Variants in CUX1 observed in about 807,000 individuals in gnomAD.
The protein encoded by CUX1 is cut like homeobox 1.
Under a neutral mutation model 158.8 loss-of-function variants are expected in CUX1, and 31 were observed. That is an observed-to-expected ratio of 0.20 (90% CI 0.15 to 0.26). CUX1 has a LOEUF of 0.26. CUX1 is among the 10% of genes least tolerant of loss of function. CUX1 has a pLI of 1.00. For synonymous variants in CUX1, 879 were observed against 862.1 expected, an observed-to-expected ratio of 1.02 and a Z score of -0.34; for missense variants, 1,589 against 2,014.6, an observed-to-expected ratio of 0.79 and a Z score of 4.04.
At chr7:102,265,401 TG>T (rs1554544857) in intron 14 of CUX1, among the ~76,000 whole-genome samples, 3 of 151,196 alleles carry the variant, frequency 2.0e-5, no homozygotes, top group African/African-American at 7.3e-5. Context: ...TGTACTTTAC[TG>T]AGGAGGCTGC....
chr7:102,188,100 G>A (rs1793821946), intron 11 of CUX1, among the ~76,000 whole-genome samples: 1 of 152,020 alleles, frequency 6.6e-6, no homozygotes, highest in East Asian at 1.9e-4. Context: ...TCAGGAGGCT[G>A]AGGCAGGAGG....
intron 3 of CUX1, among the ~76,000 whole-genome samples, chr7:102,048,786 G>A (rs547912827): frequency 4.3e-4 from 65 of 152,186 alleles, no homozygotes; most frequent in East Asian, 4.0e-3. Context: ...CTGAGATTGC[G>A]CCACTGCACT....
chr7:102,150,318 G>T (rs1835498470), intron 8 of CUX1, among the ~76,000 whole-genome samples: 1 of 152,132 alleles, frequency 6.6e-6, no homozygotes. Flanking sequence ...ACCATGCCCG[G>T]CTAATACTTG....
intron 1 of CUX1, among the ~76,000 whole-genome samples, chr7:101,833,994 C>T (rs996653992): frequency 2.0e-5 from 3 of 152,010 alleles, no homozygotes; most frequent in African/African-American, 7.3e-5. Context: ...TGATCCTGTC[C>T]TACCCTGTGC....
intron 1 of CUX1, among the ~76,000 whole-genome samples, chr7:101,858,661 C>CTT (rs760652607): frequency 0.01 from 1,048 of 103,292 alleles, 12 homozygotes; most frequent in Middle Eastern, 0.013. Flanking sequence ...ATGCGAATGC[C>CTT]TTTTTTTTTT....
At chr7:101,896,037 C>T (rs1315699506) in intron 1 of CUX1, among the ~76,000 whole-genome samples, 2 of 151,650 alleles carry the variant, frequency 1.3e-5, no homozygotes, top group Middle Eastern at 3.4e-3. Flanking sequence ...TAGGCATGCA[C>T]CACTGCACTT....
chr7:102,066,647 G>T (rs1490032499), intron 3 of CUX1, among the ~76,000 whole-genome samples: 1 of 152,192 alleles, frequency 6.6e-6, no homozygotes, highest in African/African-American at 2.4e-5. Context: ...AGAAGCCTCT[G>T]TGTGGCCATC....
chr7:102,032,776 C>T (rs1342073686), intron 3 of CUX1, among the ~76,000 whole-genome samples: 7 of 152,034 alleles, frequency 4.6e-5, no homozygotes, highest in Non-Finnish European at 7.4e-5. Context: ...AATTAGATAT[C>T]GATTGATTGA....
chr7:102,162,269 A>G (rs950827613), intron 9 of CUX1, among the ~76,000 whole-genome samples: 5 of 152,092 alleles, frequency 3.3e-5, no homozygotes, highest in African/African-American at 9.7e-5. Context: ...GGCTGGCGAG[A>G]GGAAACTTTT....
chr7:102,234,885 C>T (rs1357181561), intron 22 of CUX1, among the ~76,000 whole-genome samples: 1 of 151,768 alleles, frequency 6.6e-6, no homozygotes. Context: ...ATTGAGCCAC[C>T]GCACTCCAGC....
intron 1 of CUX1, among the ~76,000 whole-genome samples, chr7:101,828,192 A>C (rs1793599526): frequency 6.6e-6 from 1 of 151,956 alleles, no homozygotes; most frequent in Admixed American, 6.6e-5. Flanking sequence ...TGGTCTCAGA[A>C]TTCCTGACCT....
In CUX1 at chr7:102,251,635, G is replaced by A; in HGVS notation, c.*2593G>A. 8 of 985,400 alleles carry A rather than the reference G, an allele frequency of 8.1e-6. No homozygotes were observed. The highest frequency in any genetic ancestry group is 9.6e-6 in the Non-Finnish European group (8 of 829,940). The allele number at this position is 985,400 out of a possible 1,614,324, so 61.0% of individuals were successfully genotyped here. The stretch of plus-strand genomic sequence containing the variant: ...CGGGTCAACATCTAGCTCGATTCAG[G>A]TGCATTGAGAAGAGTGAGTTCACAT... On this transcript the variant is annotated 3_prime_UTR_variant, in exon 24 of 24. Coordinates refer to ENST00000292535, the MANE Select transcript of CUX1 (RefSeq NM_181552.4).
intron 5 of CUX1, among the ~76,000 whole-genome samples, chr7:102,098,982 T>C (rs1829501100): frequency 6.6e-6 from 1 of 152,012 alleles, no homozygotes; most frequent in Admixed American, 6.6e-5. Flanking sequence ...TTTCTAAAAG[T>C]GTCCTTTGGC....
intron 8 of CUX1, among the ~76,000 whole-genome samples, chr7:102,118,772 G>C (rs1465339845): frequency 1.3e-5 from 2 of 152,106 alleles, no homozygotes; most frequent in South Asian, 4.1e-4. Flanking sequence ...TTTGTTTTGA[G>C]ATGGAATCTT....
chr7:101,972,414 G>A (rs147325467), intron 2 of CUX1, among the ~76,000 whole-genome samples: 3 of 152,286 alleles, frequency 2.0e-5, no homozygotes, highest in South Asian at 2.1e-4. Flanking sequence ...CAAAGAGATC[G>A]ATCAGAATTT....
intron 11 of CUX1, among the ~76,000 whole-genome samples, chr7:102,186,640 C>G (rs1793659021): frequency 2.6e-5 from 4 of 151,608 alleles, no homozygotes. Flanking sequence ...AACCAAATGT[C>G]CCAGCACCAT....
intron 2 of CUX1, among the ~76,000 whole-genome samples, chr7:101,920,548 A>T (rs1804796823): frequency 6.6e-6 from 1 of 152,230 alleles, no homozygotes; most frequent in Admixed American, 6.5e-5. Flanking sequence ...GGCACGAGCC[A>T]CTGCGCCCAG....
At position 102,255,829 on chromosome 7, in the gene CUX1, ATTATT is replaced by A. The variant is rs1354792851; in HGVS notation, c.*6793_*6797del. The A allele has an allele frequency of 1.2e-5, 12 of 981,680 alleles. No homozygotes were observed. Among genetic ancestry groups the A allele is most frequent in the African/African-American group, 1.1e-4 (6 of 57,102 alleles). 60.8% of individuals were successfully genotyped at this position (981,680 alleles called of 1,614,324 possible). A position where few individuals can be genotyped will look rare whatever the true frequency, so the allele number is the denominator to read the frequency against. ...TCCCCCCTTTTCCTTCTTCTTTTTT[ATTATT>A]TTATTATTTTTTTTGTACTTTGCTT... On this transcript the variant is annotated 3_prime_UTR_variant, in exon 24 of 24. Transcript: ENST00000292535.
chr7:101,976,436 T>C (rs1219968936), intron 2 of CUX1, among the ~76,000 whole-genome samples: 1 of 152,170 alleles, frequency 6.6e-6, no homozygotes, highest in Non-Finnish European at 1.5e-5. Flanking sequence ...ATGGGAAATG[T>C]GAACCAAAAA....
Sources: gnomAD v4.1 joint callset for allele counts (sites outside exome capture counted in the v4.1 genomes callset) on GRCh38, gnomAD v4.1.1 for gene constraint, MANE v1.5 for transcripts, NCBI Gene and HGNC (gene_info 2026-07-23, HGNC 2026-07-21) for gene names.